The following LGSN variants were observed in gnomAD, a reference collection of about 807,000 sequenced individuals.
The protein encoded by LGSN is lengsin, lens protein with glutamine synthetase domain.
A neutral mutation model predicts 19.5 loss-of-function variants in LGSN; 21 were observed. The observed-to-expected ratio is 1.07, with a 90% confidence interval of 0.76 to 1.55. The LOEUF (loss-of-function observed/expected upper bound fraction) is 1.55. Ranked by LOEUF, LGSN falls within the 40% of genes most tolerant of loss-of-function variation. The probability of loss-of-function intolerance (pLI) is 0.00; values close to 1 mark genes in which losing one functional copy is unlikely to be tolerated. For missense variants in LGSN, 673 were observed against 608.5 expected (o/e 1.11, Z -1.12); for synonymous variants, 257 against 215.6 (o/e 1.19, Z -1.68).
chr6:63,488,269 T>C, the LGSN span, among the ~76,000 whole-genome samples: 3 of 152,168 alleles, frequency 2.0e-5, no homozygotes, highest in African/African-American at 7.2e-5. Context: ...AGATATATTA[T>C]GTCATTTAGC....
the LGSN span, among the ~76,000 whole-genome samples, chr6:63,558,530 A>G: frequency 6.6e-6 from 1 of 152,126 alleles, no homozygotes; most frequent in Non-Finnish European, 1.5e-5. Flanking sequence ...ATAACAGTAA[A>G]ATGAACAGGT....
chr6:63,509,012 T>C, the LGSN span, among the ~76,000 whole-genome samples: 13 of 151,686 alleles, frequency 8.6e-5, no homozygotes, highest in Non-Finnish European at 1.3e-4. Context: ...ATTTATATAG[T>C]TTATTTGTAT....
the LGSN span, among the ~76,000 whole-genome samples, chr6:63,409,214 A>G: frequency 6.6e-6 from 1 of 152,158 alleles, no homozygotes; most frequent in African/African-American, 2.4e-5. Flanking sequence ...ACCCAGCCAA[A>G]AATATTTTTT....
the LGSN span, among the ~76,000 whole-genome samples, chr6:63,367,154 A>C: frequency 6.6e-6 from 1 of 151,596 alleles, no homozygotes; most frequent in East Asian, 1.9e-4. Flanking sequence ...TGAACAGGCA[A>C]CCTACAGAAT....
chr6:63,528,599 A>C, the LGSN span, among the ~76,000 whole-genome samples: 1 of 151,644 alleles, frequency 6.6e-6, no homozygotes, highest in Admixed American at 6.6e-5. Flanking sequence ...GCCATGAAAA[A>C]CTAGCCAGGC....
At chr6:63,321,495 T>C (rs1769081442), upstream of LGSN, among the ~76,000 whole-genome samples, 2 of 152,294 alleles carry the variant, frequency 1.3e-5, no homozygotes, top group South Asian at 2.1e-4. Flanking sequence ...AATATGCAAT[T>C]TGATTCATTT....
chr6:63,454,574 G>C, the LGSN span, among the ~76,000 whole-genome samples: 1 of 146,038 alleles, frequency 6.8e-6, no homozygotes, highest in Non-Finnish European at 1.5e-5. Flanking sequence ...CCGGGTTCAA[G>C]CAGTTCTCTG....
the LGSN span, among the ~76,000 whole-genome samples, chr6:63,460,607 A>G: frequency 6.6e-6 from 1 of 152,058 alleles, no homozygotes; most frequent in African/African-American, 2.4e-5. Flanking sequence ...GTTCATTTCT[A>G]TTATTAGGAG....
chr6:63,568,374 G>C, the LGSN span, among the ~76,000 whole-genome samples: 1 of 152,180 alleles, frequency 6.6e-6, no homozygotes, highest in African/African-American at 2.4e-5. Context: ...GTCTCACTGA[G>C]GGACTGGCCC....
At chr6:63,291,383 T>C (rs1011731981) in intron 2 of LGSN, among the ~76,000 whole-genome samples, 3 of 152,116 alleles carry the variant, frequency 2.0e-5, no homozygotes, top group Non-Finnish European at 4.4e-5. Flanking sequence ...GGGATTTTAC[T>C]GAGTGATGGA....
chr6:63,486,918 C>A, the LGSN span, among the ~76,000 whole-genome samples: 1 of 151,728 alleles, frequency 6.6e-6, no homozygotes, highest in Non-Finnish European at 1.5e-5. Flanking sequence ...TCACTGTAAC[C>A]TCCACCTCCC....
chr6:63,518,245 C>T, the LGSN span, among the ~76,000 whole-genome samples: 1 of 151,518 alleles, frequency 6.6e-6, no homozygotes, highest in Non-Finnish European at 1.5e-5. Context: ...AACTTTATTG[C>T]TGCCAGAGCA....
the LGSN span, among the ~76,000 whole-genome samples, chr6:63,462,841 G>A: frequency 5.9e-5 from 9 of 152,062 alleles, no homozygotes; most frequent in Non-Finnish European, 1.2e-4. Context: ...AGGATAAACC[G>A]GAACAGAATG....
the LGSN span, chr6:63,480,042 C>T: frequency 6.5e-6 from 1 of 152,988 alleles, no homozygotes; most frequent in African/African-American, 2.4e-5. Context: ...TACAACAACC[C>T]CAGGCACCCT....
the LGSN span, among the ~76,000 whole-genome samples, chr6:63,464,016 A>G: frequency 6.6e-6 from 1 of 152,152 alleles, no homozygotes; most frequent in African/African-American, 2.4e-5. Context: ...AAAATAATCT[A>G]GTTAGGGAAG....
the LGSN span, chr6:63,571,540 T>C: frequency 3.3e-5 from 5 of 152,180 alleles, no homozygotes; most frequent in African/African-American, 4.8e-5. Context: ...AAAACGAACA[T>C]AAAGAAGAGC....
the LGSN span, among the ~76,000 whole-genome samples, chr6:63,500,996 T>G: frequency 6.6e-6 from 1 of 152,132 alleles, no homozygotes; most frequent in Non-Finnish European, 1.5e-5. Flanking sequence ...CCCAAAGTGT[T>G]GGGATTACAG....
At position 63,279,520 on chromosome 6, in the gene LGSN, A is replaced by G. The variant is rs557689886; in HGVS notation, c.*501T>C. 2.0e-5 allele frequency: 3 copies of G among 152,462 alleles called. No individual in the cohort carries two copies. In the South Asian group the frequency reaches 6.2e-4, roughly 32 times the overall value. 9.4% of individuals were successfully genotyped at this position (152,462 alleles called of 1,614,324 possible). A position where few individuals can be genotyped will look rare whatever the true frequency, so the allele number is the denominator to read the frequency against. ...AAAAGTTTATTTAACTTGTTTAGAAAGACCATAATGGTGCATACAACCTGG... is the reference window on the plus strand; with the variant it reads ...AAAAGTTTATTTAACTTGTTTAGAAGGACCATAATGGTGCATACAACCTGG... On this transcript the variant is annotated 3_prime_UTR_variant, in exon 4 of 4. Transcript: ENST00000370657.
chr6:63,393,122 C>T, the LGSN span, among the ~76,000 whole-genome samples: 9 of 151,276 alleles, frequency 5.9e-5, no homozygotes, highest in East Asian at 2.0e-4. Context: ...CTCCTGACCT[C>T]GTGATACACC....
Sources: allele counts gnomAD v4.1 joint callset (sites outside exome capture counted in the v4.1 genomes callset), GRCh38; gene constraint gnomAD v4.1.1; transcripts MANE v1.5; gene names NCBI Gene and HGNC (gene_info 2026-07-23, HGNC 2026-07-21).